Variants in CHODL observed in about 807,000 individuals in gnomAD.
CHODL encodes chondrolectin.
CHODL carries 29 observed loss-of-function variants against 34.5 expected under a neutral mutation model. That is an observed-to-expected ratio of 0.84 (90% CI 0.63 to 1.15). The LOEUF is 1.15. CHODL is among the 50% of genes most tolerant of loss of function. The pLI, the probability that CHODL is intolerant of heterozygous loss-of-function variation, is 0.00. For synonymous variants in CHODL, 125 were observed against 116.1 expected (o/e 1.08, Z -0.49); for missense variants, 332 against 332.5 (o/e 1.00, Z 0.01).
rs191719537 is a variant in CHODL, at chr21:17,992,200, C to A, written c.-144-35672C>A. ...TGGCCTATATGTCTGTTTTTTATAC[C>A]AATACCATGCTGTTTTGGTTACTAT... On this transcript the variant is annotated intron_variant, in intron 1 of 6. Transcript: ENST00000400127. Among the ~76,000 whole-genome samples the A allele has an allele frequency of 1.2e-4, 19 of 152,068 alleles. 1 individual carries two copies. Among genetic ancestry groups the A allele is most frequent in the Admixed American group, 1.1e-3 (17 of 15,288 alleles).
At chr21:18,138,909 C>G (rs1211671056) in intron 2 of CHODL, among the ~76,000 whole-genome samples, 1 of 152,028 alleles carries the variant, frequency 6.6e-6, no homozygotes, top group Non-Finnish European at 1.5e-5. Context: ...TTTCTTGGAG[C>G]AGGGCACTCA....
intron 2 of CHODL, among the ~76,000 whole-genome samples, chr21:18,150,334 G>T (rs1486617594): frequency 6.6e-6 from 1 of 152,194 alleles, no homozygotes; most frequent in Non-Finnish European, 1.5e-5. Context: ...AGTGAGGCAT[G>T]TCTGACCCCA....
intron 2 of CHODL, among the ~76,000 whole-genome samples, chr21:18,207,659 C>CTTT (rs34259143): frequency 0.016 from 908 of 55,668 alleles, 92 homozygotes; most frequent in African/African-American, 0.06. Flanking sequence ...AATCTCTCAG[C>CTTT]TTTTTTTTTT....
chr21:18,084,931 G>GTGTGTA (rs1395109970), intron 2 of CHODL, among the ~76,000 whole-genome samples: 103 of 149,116 alleles, frequency 6.9e-4, no homozygotes, highest in African/African-American at 2.5e-3. Context: ...GTGTGTGTGT[G>GTGTGTA]TGTGTGTGTG....
At chr21:18,244,156 A>ATCAC (rs1449654700), upstream of CHODL, among the ~76,000 whole-genome samples, 4 of 152,234 alleles carry the variant, frequency 2.6e-5, no homozygotes, top group African/African-American at 9.6e-5. Flanking sequence ...TCACTGATAG[A>ATCAC]TGATTGCAAA....
At chr21:17,996,080 T>A (rs1442921851) in intron 1 of CHODL, among the ~76,000 whole-genome samples, 3 of 152,164 alleles carry the variant, frequency 2.0e-5, no homozygotes, top group Admixed American at 6.5e-5. Context: ...ATCATTTATT[T>A]TTTTTTTTGC....
intron 1 of CHODL, among the ~76,000 whole-genome samples, chr21:17,936,331 T>C (rs2063318866): frequency 2.0e-5 from 3 of 152,056 alleles, no homozygotes; most frequent in South Asian, 4.2e-4. Context: ...ACCTTAATGA[T>C]TTTGGTTTGA....
intron 1 of CHODL, among the ~76,000 whole-genome samples, chr21:17,932,645 A>G (rs914340315): frequency 1.3e-5 from 2 of 152,218 alleles, no homozygotes; most frequent in Non-Finnish European, 2.9e-5. Context: ...GAATAAAATC[A>G]TGTCTTTGCA....
chr21:18,248,435 A>G (rs1368457251), intron 1 of CHODL, among the ~76,000 whole-genome samples: 6 of 151,040 alleles, frequency 4.0e-5, no homozygotes, highest in Non-Finnish European at 7.4e-5. Context: ...GAACAAATTA[A>G]TCTTATTACC....
chr21:18,125,033 G>A (rs1028294088), intron 2 of CHODL, among the ~76,000 whole-genome samples: 2 of 152,188 alleles, frequency 1.3e-5, no homozygotes, highest in African/African-American at 4.8e-5. Context: ...AAATATACAT[G>A]CATCAGTAGT....
chr21:18,015,899 GT>G (rs916281608), intron 1 of CHODL, among the ~76,000 whole-genome samples: 42 of 152,176 alleles, frequency 2.8e-4, no homozygotes, highest in African/African-American at 9.9e-4. Context: ...TAGAAATGAT[GT>G]GGCCCAGCTG....
rs182259803 is a variant in CHODL at position 18,070,743 on chromosome 21, G to A, written c.-45+42772G>A. ...ATCAAAGAAGTGCGTTACATACCCC[G>A]TCCTCCACATGTCCTTCCTGGATGA... is the stretch of plus-strand genomic sequence containing the variant. On this transcript the variant is annotated intron_variant, in intron 2 of 6. Transcript: ENST00000400127. Among the ~76,000 whole-genome samples the A allele has an allele frequency of 2.6e-5, 4 of 152,080 alleles. 1 individual carries two copies. Among genetic ancestry groups the A allele is most frequent in the South Asian group, 2.1e-4 (1 of 4,814 alleles).
chr21:18,221,414 A>G (rs1424207339), intron 2 of CHODL, among the ~76,000 whole-genome samples: 1 of 152,136 alleles, frequency 6.6e-6, no homozygotes, highest in Non-Finnish European at 1.5e-5. Flanking sequence ...CTTACTGAAA[A>G]ACTATTGTGT....
Position 18,014,843 on chromosome 21 carries a change from A to C in CHODL, c.-144-13029A>C, listed in dbSNP as rs146465317. On this transcript the variant is annotated intron_variant, in intron 1 of 6. Transcript: ENST00000400127. ...TGCCAATTAAACCACTTTTCTTTAT[A>C]AATTGCCAAGGCTGAGGTATTTCTT... 6.9e-3 allele frequency among the ~76,000 whole-genome samples: 1,047 copies of C among 152,306 alleles called. 6 individuals carry two copies. Among genetic ancestry groups the C allele is most frequent in the South Asian group, 0.019 (93 of 4,828 alleles).
intron 2 of CHODL, among the ~76,000 whole-genome samples, chr21:18,233,968 C>T (rs113094000): frequency 0.031 from 4,646 of 152,022 alleles, 248 homozygotes; most frequent in African/African-American, 0.11. Context: ...GAATGATATT[C>T]CAGATTATAT....
intron 2 of CHODL, among the ~76,000 whole-genome samples, chr21:18,219,378 G>T (rs1234234973): frequency 2.6e-5 from 4 of 152,048 alleles, no homozygotes; most frequent in Non-Finnish European, 5.9e-5. Context: ...CAGCAACATG[G>T]GGGTAATTGC....
chr21:17,943,562 C>T (rs913350490), intron 1 of CHODL, among the ~76,000 whole-genome samples: 15 of 152,112 alleles, frequency 9.9e-5, no homozygotes, highest in Non-Finnish European at 2.2e-4. Context: ...TCTTGGGCCC[C>T]AATTCCCCTT....
intron 2 of CHODL, among the ~76,000 whole-genome samples, chr21:18,230,006 C>G (rs1277724714): frequency 6.6e-6 from 1 of 151,238 alleles, no homozygotes; most frequent in African/African-American, 2.4e-5. Flanking sequence ...TTATACTCCT[C>G]CCAAAGAAGG....
intron 2 of CHODL, among the ~76,000 whole-genome samples, chr21:18,231,637 C>A (rs2073979911): frequency 6.6e-6 from 1 of 151,956 alleles, no homozygotes; most frequent in Admixed American, 6.6e-5. Context: ...CTTTTTTCAT[C>A]CACGCTGTAT....
Sources: allele counts gnomAD v4.1 joint callset (sites outside exome capture counted in the v4.1 genomes callset), GRCh38; gene constraint gnomAD v4.1.1; transcripts MANE v1.5; gene names NCBI Gene and HGNC (gene_info 2026-07-23, HGNC 2026-07-21).